The following GAP43 variants were observed in gnomAD, a reference collection of about 807,000 sequenced individuals.
The protein encoded by GAP43 is growth associated protein 43.
GAP43 carries 6 observed loss-of-function variants against 18.6 expected under a neutral mutation model. The ratio of observed to expected loss-of-function variants is 0.32; its 90% confidence interval spans 0.18 to 0.64. The LOEUF (loss-of-function observed/expected upper bound fraction) is 0.64, where lower values mean the gene tolerates loss of function less well. Ranked by LOEUF, GAP43 falls within the 30% of genes least tolerant of loss-of-function variation. GAP43 has a pLI of 0.78. For missense variants in GAP43, 292 were observed against 295.5 expected (o/e 0.99, Z 0.09); for synonymous variants, 115 against 111.4 (o/e 1.03, Z -0.20).
chr3:115,709,251 G>A (rs73858065), intron 2 of GAP43, among the ~76,000 whole-genome samples: 2,587 of 152,220 alleles, frequency 0.017, 76 homozygotes, highest in African/African-American at 0.058. Flanking sequence ...CTTTTGCAGC[G>A]AGAGTTCTTT....
rs940334606 is a variant in GAP43, at chr3:115,624,616, T to G, written c.30+897T>G. ...TCAGGAAGAGGGACACATCCAAGAT[T>G]AGCAAGAATCAGAGCCCCTCCTTCC... On this transcript the variant is annotated intron_variant, in intron 1 of 2. Coordinates refer to ENST00000305124, the MANE Select transcript of GAP43 (RefSeq NM_002045.4). 3.3e-5 allele frequency among the ~76,000 whole-genome samples: 5 copies of G among 152,224 alleles called. No homozygotes were observed. The East Asian group carries it at 9.7e-4, about 29-fold the overall frequency.
chr3:115,710,820 C>A (rs1709427654), intron 2 of GAP43, among the ~76,000 whole-genome samples: 1 of 152,128 alleles, frequency 6.6e-6, no homozygotes, highest in Non-Finnish European at 1.5e-5. Flanking sequence ...TTTGTCCACT[C>A]AAATTATTTA....
intron 1 of GAP43, among the ~76,000 whole-genome samples, chr3:115,670,693 T>TA (rs1440934422): frequency 6.6e-6 from 1 of 152,180 alleles, no homozygotes; most frequent in Admixed American, 6.5e-5. Context: ...AAATTATTAA[T>TA]AAAAAATAAA....
At chr3:115,658,316 T>TGGG (rs1235879046) in intron 1 of GAP43, among the ~76,000 whole-genome samples, 1 of 152,178 alleles carries the variant, frequency 6.6e-6, no homozygotes, top group African/African-American at 2.4e-5. Context: ...TTCTTACTCT[T>TGGG]GGGCTTACAA....
At chr3:115,668,653 A>AC (rs1295479507) in intron 1 of GAP43, among the ~76,000 whole-genome samples, 1 of 151,860 alleles carries the variant, frequency 6.6e-6, no homozygotes, top group African/African-American at 2.4e-5. Flanking sequence ...CAAACTCCTG[A>AC]CCTCAGGTGA....
intron 1 of GAP43, among the ~76,000 whole-genome samples, chr3:115,634,938 A>G (rs1214447731): frequency 6.6e-6 from 1 of 152,170 alleles, no homozygotes; most frequent in Non-Finnish European, 1.5e-5. Flanking sequence ...TATATTTTGC[A>G]TGGACATTGC....
At chr3:115,663,941 A>G (rs1053090570) in intron 1 of GAP43, 8 of 1,550,040 alleles carry the variant, frequency 5.2e-6, no homozygotes, top group African/African-American at 1.4e-5. Flanking sequence ...CATGTAACCT[A>G]TACAAGTATT....
intron 1 of GAP43, among the ~76,000 whole-genome samples, chr3:115,659,294 A>G (rs142355066): frequency 1.8e-3 from 280 of 152,294 alleles, no homozygotes; most frequent in African/African-American, 5.9e-3. Flanking sequence ...CTATTTTTAA[A>G]AAGTTTTCTA....
chr3:115,665,305 A>G (rs953389708), intron 1 of GAP43, among the ~76,000 whole-genome samples: 2 of 152,210 alleles, frequency 1.3e-5, no homozygotes, highest in African/African-American at 4.8e-5. Context: ...AACTACTTCA[A>G]GTAGTCCTAG....
chr3:115,654,226 A>C (rs966788600), intron 1 of GAP43, among the ~76,000 whole-genome samples: 1 of 152,252 alleles, frequency 6.6e-6, no homozygotes, highest in African/African-American at 2.4e-5. Flanking sequence ...AGAATGAAGT[A>C]CCAAGTGATT....
intron 1 of GAP43, among the ~76,000 whole-genome samples, chr3:115,652,722 C>T (rs4358295): frequency 0.15 from 22,895 of 152,088 alleles, 2,146 homozygotes; most frequent in South Asian, 0.26. Flanking sequence ...TTTATTAAGA[C>T]GTTTCACCTA....
intron 1 of GAP43, among the ~76,000 whole-genome samples, chr3:115,672,951 G>C (rs1458332396): frequency 6.6e-6 from 1 of 152,022 alleles, no homozygotes; most frequent in Non-Finnish European, 1.5e-5. Context: ...GCATCTTTTT[G>C]GGTATAGTCA....
chr3:115,709,842 T>TAC (rs1195134973), intron 2 of GAP43, among the ~76,000 whole-genome samples: 2 of 68,930 alleles, frequency 2.9e-5, no homozygotes, highest in East Asian at 1.3e-3. Context: ...TACATGAACA[T>TAC]ACATATATAT....
intron 1 of GAP43, among the ~76,000 whole-genome samples, chr3:115,630,597 A>C (rs1415826689): frequency 1.3e-5 from 2 of 152,332 alleles, no homozygotes; most frequent in East Asian, 3.9e-4. Context: ...GAACAGCAGA[A>C]AGACTAAATA....
chr3:115,625,738 C>G (rs1287562775), intron 1 of GAP43, among the ~76,000 whole-genome samples: 2 of 152,176 alleles, frequency 1.3e-5, no homozygotes, highest in African/African-American at 4.8e-5. Context: ...ATCTCACCAA[C>G]AGCCCCAAGC....
At position 115,646,465 on chromosome 3, in the gene GAP43, G is replaced by A. The variant is rs897622406; in HGVS notation, c.30+22746G>A. Among the ~76,000 whole-genome samples, 15 of 152,144 alleles carry A rather than the reference G, an allele frequency of 9.9e-5. No individual in the cohort carries two copies. In the East Asian group the frequency reaches 2.3e-3, roughly 24 times the overall value. The stretch of plus-strand genomic sequence containing the variant: ...AGATTATAGCATTTAAACTTTGCAC[G>A]GTTCATCTTGTTGATATGGCAAGGA... On this transcript the variant is annotated intron_variant, in intron 1 of 2. Transcript: ENST00000305124.
At position 115,655,242 on chromosome 3, in the gene GAP43, G is replaced by A. The variant is rs28399369; in HGVS notation, c.31-20771G>A. On this transcript the variant is annotated intron_variant, in intron 1 of 2. Transcript: ENST00000305124. ...GAATATTTCTAAACTCATTGCTGAA[G>A]GGTCTGGCAGGGATCAGGGTTCCTG... Among the ~76,000 whole-genome samples, 11 of 152,294 alleles carry A rather than the reference G, an allele frequency of 7.2e-5. No individual in the cohort carries two copies. The South Asian group carries it at 1.5e-3, about 20-fold the overall frequency.
At chr3:115,634,188 T>A (rs1281838996) in intron 1 of GAP43, among the ~76,000 whole-genome samples, 2 of 152,066 alleles carry the variant, frequency 1.3e-5, no homozygotes, top group African/African-American at 2.4e-5. Flanking sequence ...AACAAAATGA[T>A]CTCCAAAGGT....
intron 2 of GAP43, among the ~76,000 whole-genome samples, chr3:115,695,040 A>T (rs1166082284): frequency 1.3e-5 from 2 of 152,244 alleles, no homozygotes; most frequent in Non-Finnish European, 2.9e-5. Flanking sequence ...TTTTTATAGC[A>T]TGGAAATATC....
Sources: gnomAD v4.1 joint callset for allele counts (sites outside exome capture counted in the v4.1 genomes callset) on GRCh38, gnomAD v4.1.1 for gene constraint, MANE v1.5 for transcripts, NCBI Gene and HGNC (gene_info 2026-07-23, HGNC 2026-07-21) for gene names.